Variants in GSE1 observed in about 807,000 individuals in gnomAD.
GSE1 encodes genetic suppressor element 1.
GSE1 carries 32 observed loss-of-function variants against 112.6 expected under a neutral mutation model. The ratio of observed to expected loss-of-function variants is 0.28; its 90% CI spans 0.21 to 0.38. GSE1 has a LOEUF of 0.38. Ranked by LOEUF, GSE1 falls within the 10% of genes least tolerant of loss-of-function variation. The pLI is 1.00. For missense variants in GSE1, 2,348 were observed against 1,699.2 expected (o/e 1.38, Z -6.71); for synonymous variants, 1,115 against 735.6 (o/e 1.52, Z -8.35).
chr16:85,414,377 G>C (rs1489104546), intron 2 of GSE1, among the ~76,000 whole-genome samples: 1 of 152,192 alleles, frequency 6.6e-6, no homozygotes, highest in East Asian at 1.9e-4. Context: ...TTTATATCAT[G>C]ACGCAGGCCA....
chr16:85,397,860 T>C (rs1301805884), intron 2 of GSE1, among the ~76,000 whole-genome samples: 1 of 151,958 alleles, frequency 6.6e-6, no homozygotes, highest in Non-Finnish European at 1.5e-5. Flanking sequence ...CCAGCCCGCA[T>C]AGAAGGAGGT....
Position 85,665,859 on chromosome 16 carries a change from G to C in GSE1, c.2759-117G>C, listed in dbSNP as rs16975779. 7.5e-3 allele frequency: 7,095 copies of C among 950,322 alleles called. 357 individuals carry two copies. In the East Asian group the frequency reaches 0.12, roughly 16 times the overall value. The allele number at this position is 950,322 out of a possible 1,614,324, so 58.9% of individuals were successfully genotyped here. ...GTTACTTAAATGTTCCCCGGGTCTT[G>C]GTTCTTTGCGCTAGGTCTTTGTTAA... On this transcript the variant is annotated intron_variant, in intron 12 of 15. Transcript: ENST00000253458.
At chr16:85,569,153 C>G (rs1177946706) in intron 1 of GSE1, among the ~76,000 whole-genome samples, 1 of 152,204 alleles carries the variant, frequency 6.6e-6, no homozygotes, top group African/African-American at 2.4e-5. Context: ...GCCAACCCTG[C>G]CTAACACTCT....
At chr16:85,653,846 A>C (rs537295411) in intron 3 of GSE1, among the ~76,000 whole-genome samples, 2 of 152,274 alleles carry the variant, frequency 1.3e-5, no homozygotes, top group East Asian at 1.9e-4. Context: ...TCTTGGCTAC[A>C]TCGTGGCACT....
At chr16:85,636,039 G>A (rs77554646) in intron 2 of GSE1, among the ~76,000 whole-genome samples, 4,627 of 152,300 alleles carry the variant, frequency 0.03, 97 homozygotes, top group East Asian at 0.12. Flanking sequence ...GCCAGAGGCC[G>A]CTGGTCCCCA....
intron 1 of GSE1, among the ~76,000 whole-genome samples, chr16:85,250,127 G>A (rs1039288519): frequency 3.3e-5 from 5 of 152,324 alleles, no homozygotes; most frequent in Admixed American, 3.3e-4. Flanking sequence ...TCCTAGTTTC[G>A]TCCACCAACT....
Position 85,668,261 on chromosome 16 carries a change from G to T in GSE1, c.3252G>T (p.Glu1084Asp). Residue 1084 changes from glutamate to aspartate, a missense_variant, in exon 14 of 16, where the codon GAG (glutamate) becomes GAT (aspartate). By Grantham distance (45) the Glu-to-Asp change is conservative. Transcript: ENST00000253458. ...CACCCCAGCACAATGGGCAGCAGGA[G>T]CCCCCCACTGCAAGGAAGGGCCCCC... Reference protein sequence around the residue: ...APPPQHNGQQEPPTARKGPPT... With the variant: ...APPPQHNGQQDPPTARKGPPT... 6.2e-7 allele frequency: 1 copy of T among 1,612,716 alleles called. No homozygotes were observed. Among genetic ancestry groups the T allele is most frequent in the East Asian group, 2.2e-5 (1 of 44,870 alleles).
At chr16:85,632,205 T>C (rs2049593741) in intron 1 of GSE1, among the ~76,000 whole-genome samples, 1 of 152,210 alleles carries the variant, frequency 6.6e-6, no homozygotes, top group Non-Finnish European at 1.5e-5. Flanking sequence ...TGGGGCCCGC[T>C]GCTGCAGGGC....
At chr16:85,662,715 G>A (rs1445618056) in intron 9 of GSE1, 2 of 472,086 alleles carry the variant, frequency 4.2e-6, no homozygotes, top group South Asian at 6.0e-5. Flanking sequence ...CTGCCAGGGG[G>A]AGGAGGGAGG....
At chr16:85,556,517 C>G (rs2045221625) in intron 1 of GSE1, among the ~76,000 whole-genome samples, 1 of 151,298 alleles carries the variant, frequency 6.6e-6, no homozygotes, top group South Asian at 2.1e-4. Flanking sequence ...CGGATCCTCC[C>G]GCTGCGGTCA....
At chr16:85,242,473 G>C (rs981249111) in intron 1 of GSE1, among the ~76,000 whole-genome samples, 1 of 152,258 alleles carries the variant, frequency 6.6e-6, no homozygotes, top group African/African-American at 2.4e-5. Context: ...GCAGGGCAGG[G>C]CCTGTGCTCG....
At chr16:85,440,244 G>T (rs1300663202) in intron 2 of GSE1, among the ~76,000 whole-genome samples, 1 of 152,238 alleles carries the variant, frequency 6.6e-6, no homozygotes, top group Non-Finnish European at 1.5e-5. Flanking sequence ...TCAGCCCTCT[G>T]CTTTGCTGGA....
intron 1 of GSE1, among the ~76,000 whole-genome samples, chr16:85,194,345 G>A (rs1182749253): frequency 1.3e-5 from 2 of 152,138 alleles, no homozygotes; most frequent in Non-Finnish European, 2.9e-5. Context: ...CAGTGGATTC[G>A]CTTAACGTCA....
At chr16:85,400,722 CTGTG>C (rs1220926669) in intron 2 of GSE1, among the ~76,000 whole-genome samples, 2 of 148,824 alleles carry the variant, frequency 1.3e-5, no homozygotes, top group African/African-American at 5.0e-5. Flanking sequence ...GTCTGTGTCT[CTGTG>C]TGGTGTGTCT....
intron 1 of GSE1, among the ~76,000 whole-genome samples, chr16:85,332,405 G>A (rs1177686282): frequency 6.6e-6 from 1 of 152,204 alleles, no homozygotes; most frequent in African/African-American, 2.4e-5. Context: ...GAATCCTCCA[G>A]CAACCCTACG....
At chr16:85,442,994 G>A (rs1330702981) in intron 2 of GSE1, among the ~76,000 whole-genome samples, 5 of 152,294 alleles carry the variant, frequency 3.3e-5, no homozygotes, top group Admixed American at 6.5e-5. Context: ...CGCCCATGGC[G>A]TCCTCCCTGT....
intron 2 of GSE1, 66 bp downstream of exon 2, chr16:85,634,198 C>A: frequency 8.9e-7 from 1 of 1,123,808 alleles, no homozygotes; most frequent in South Asian, 1.8e-5. Context: ...CTCAGCCTCC[C>A]GCCTGCGGCG....
intron 1 of GSE1, among the ~76,000 whole-genome samples, chr16:85,217,672 A>T (rs2075326545): frequency 2.0e-5 from 3 of 152,206 alleles, no homozygotes; most frequent in African/African-American, 4.8e-5. Context: ...GGAAGTGCTC[A>T]GTGAAGGCCA....
At chr16:85,649,084 C>T (rs770326623) in intron 3 of GSE1, among the ~76,000 whole-genome samples, 1 of 152,160 alleles carries the variant, frequency 6.6e-6, no homozygotes. Flanking sequence ...CCTGGGTTGC[C>T]GGTGGCTGCC....
Sources: gnomAD v4.1 joint callset for allele counts (sites outside exome capture counted in the v4.1 genomes callset) on GRCh38, gnomAD v4.1.1 for gene constraint, MANE v1.5 for transcripts, NCBI Gene and HGNC (gene_info 2026-07-23, HGNC 2026-07-21) for gene names.